CCDC62: variants seen among roughly 807,000 people sequenced by gnomAD.
CCDC62 encodes the protein coiled-coil domain containing 62.
Under a neutral mutation model 80.8 loss-of-function variants are expected in CCDC62, and 72 were observed. The ratio of observed to expected loss-of-function variants is 0.89; its 90% CI spans 0.74 to 1.08. The LOEUF (loss-of-function observed/expected upper bound fraction) is 1.08. CCDC62 is among the 50% of genes least tolerant of loss of function. The pLI, the probability that CCDC62 is intolerant of heterozygous loss-of-function variation, is 0.00. For missense variants in CCDC62, 704 were observed against 809.4 expected, an observed-to-expected ratio of 0.87 and a Z score of 1.58; for synonymous variants, 286 against 296.5, an observed-to-expected ratio of 0.96 and a Z score of 0.36.
At chr12:122,823,055 G>C (rs2032478045) in intron 11 of CCDC62, among the ~76,000 whole-genome samples, 1 of 152,138 alleles carries the variant, frequency 6.6e-6, no homozygotes. Flanking sequence ...CCACCTCCTG[G>C]GTTCAAGCAA....
chr12:122,823,784 C>T (rs937875051), intron 12 of CCDC62, among the ~76,000 whole-genome samples: 6 of 150,396 alleles, frequency 4.0e-5, no homozygotes, highest in African/African-American at 7.3e-5. Context: ...GGCTGGATCA[C>T]GAGGTCAGGA....
chr12:122,800,429 T>C (rs1213452187), intron 8 of CCDC62, among the ~76,000 whole-genome samples: 2 of 146,550 alleles, frequency 1.4e-5, no homozygotes, highest in Non-Finnish European at 3.0e-5. Context: ...AAAAAAAAAT[T>C]TTTTTTTTTT....
rs184852970 is a variant in CCDC62, at chr12:122,778,204, G to A, written c.229+521G>A. On this transcript the variant is annotated intron_variant, in intron 2 of 12. Transcript: ENST00000253079. ...CCCATTTCTACTAAAAATACAAAAA[G>A]TTAACTGGGCATGGTGATGCACACC... 4.0e-3 allele frequency among the ~76,000 whole-genome samples: 606 copies of A among 151,874 alleles called. 2 individuals carry two copies. The highest frequency in any genetic ancestry group is 0.01 in the Middle Eastern group (3 of 292).
In CCDC62 at chr12:122,813,348, A is replaced by T; in HGVS notation, c.1930A>T (p.Met644Leu). 1.9e-6 allele frequency: 3 copies of T among 1,613,998 alleles called. No individual in the cohort carries two copies. The highest frequency in any genetic ancestry group is 2.5e-6 in the Non-Finnish European group (3 of 1,179,962). The stretch of plus-strand genomic sequence containing the variant: ...GCGTTTGCTGGCGGAATCTCGTCAG[A>T]TGGTGACGGACCTGGAGCTGAGCAC... ...LQRLLAESRQ[M>L]VTDLELSTLL... The change falls in exon 11 of 13, where the codon ATG becomes TTG. Residue 644 changes from methionine (M) to leucine (L), a missense_variant. Met to Leu is a conservative substitution (Grantham distance 15). Transcript: ENST00000253079.
At chr12:122,787,416 A>G (rs1227365417) in intron 4 of CCDC62, among the ~76,000 whole-genome samples, 1 of 148,568 alleles carries the variant, frequency 6.7e-6, no homozygotes, top group Non-Finnish European at 1.5e-5. Context: ...GCACCACTGC[A>G]CTCCAGCTTG....
Position 122,780,614 on chromosome 12 carries a change from A to AAAAATAAAATAAAATAAAAT in CCDC62, c.230-510_230-491dup, listed in dbSNP as rs57578843. ...GGACAACAGAGCAAGACTCTGTCTC[A>AAAAATAAAATAAAATAAAAT]AAAATAAAATAAAATAAAATAAAAT... is the stretch of plus-strand genomic sequence containing the variant. On this transcript the variant is annotated intron_variant, in intron 2 of 12. Coordinates refer to ENST00000253079, the MANE Select transcript of CCDC62 (RefSeq NM_201435.5). Among the ~76,000 whole-genome samples, 30 of 136,534 alleles carry AAAAATAAAATAAAATAAAAT rather than the reference A, an allele frequency of 2.2e-4. 1 individual carries two copies. Among genetic ancestry groups the AAAAATAAAATAAAATAAAAT allele is most frequent in the East Asian group, 1.0e-3 (5 of 4,820 alleles). The allele number at this position is 136,534 out of a possible 152,430, so 89.6% of individuals were successfully genotyped here.
intron 7 of CCDC62, 31 bp downstream of exon 7, chr12:122,797,426 TAAG>T (rs778437170): frequency 8.4e-7 from 1 of 1,184,666 alleles, no homozygotes; most frequent in Non-Finnish European, 1.3e-6. Context: ...CTCTGTCACA[TAAG>T]AAATGTTTGT....
At position 122,801,313 on chromosome 12, in the gene CCDC62, G is replaced by A; in HGVS notation, c.1167G>A (p.Glu389=). ...KKQQIDTVFG[E]KSVITLSSIF... ...AACAGATCGATACTGTGTTTGGGGAGAAAAGTGTAATTACGCTGTCATCCA... is the reference window on the plus strand; with the variant it reads ...AACAGATCGATACTGTGTTTGGGGAAAAAAGTGTAATTACGCTGTCATCCA... The change falls in exon 9 of 13, where the codon GAG becomes GAA. Residue 389 remains glutamate, a synonymous_variant. Transcript: ENST00000253079. The A allele has an allele frequency of 6.2e-7, 1 of 1,614,064 alleles. No individual in the cohort carries two copies. Among genetic ancestry groups the A allele is most frequent in the Non-Finnish European group, 8.5e-7 (1 of 1,179,958 alleles).
In CCDC62 at chr12:122,797,414, T is replaced by A; in HGVS notation, c.861+19T>A. 7.2e-7 allele frequency: 1 copy of A among 1,392,036 alleles called. No homozygotes were observed. The highest frequency in any genetic ancestry group is 1.0e-6 in the Non-Finnish European group (1 of 981,430). The allele number at this position is 1,392,036 out of a possible 1,614,324, so 86.2% of individuals were successfully genotyped here. A position where few individuals can be genotyped will look rare whatever the true frequency, so the allele number is the denominator to read the frequency against. ...GAGACAGGTATGTCCCCAATCATCC[T>A]TCTCTGTCACATAAGAAATGTTTGT... On this transcript the variant is annotated intron_variant, in intron 7 of 12. Coordinates refer to ENST00000253079, the MANE Select transcript of CCDC62 (RefSeq NM_201435.5).
intron 5 of CCDC62, among the ~76,000 whole-genome samples, chr12:122,790,556 G>A (rs1221846401): frequency 6.6e-6 from 1 of 152,036 alleles, no homozygotes; most frequent in Non-Finnish European, 1.5e-5. Context: ...TACTCGAGAG[G>A]CAAAGTGAAA....
At position 122,815,445 on chromosome 12, in the gene CCDC62, G is replaced by GTT. The variant is rs35270295; in HGVS notation, c.2001+2036_2001+2037dup. 5.7e-3 allele frequency among the ~76,000 whole-genome samples: 841 copies of GTT among 148,642 alleles called. 22 individuals are homozygous for GTT. Among genetic ancestry groups the GTT allele is most frequent in the Admixed American group, 0.045 (677 of 15,000 alleles). Reference sequence around the variant, plus strand: ...ATTTTGATTACTTCCAACTTAACAGGTTTTTTTTTTTCTTTTTTGAGACGG... The same window carrying GTT: ...ATTTTGATTACTTCCAACTTAACAGGTTTTTTTTTTTTTCTTTTTTGAGACGG... On this transcript the variant is annotated intron_variant, in intron 11 of 12. Coordinates refer to ENST00000253079, the MANE Select transcript of CCDC62 (RefSeq NM_201435.5).
At chr12:122,823,738 C>T (rs530114305) in intron 12 of CCDC62, among the ~76,000 whole-genome samples, 1 of 149,082 alleles carries the variant, frequency 6.7e-6, no homozygotes, top group Admixed American at 6.7e-5. Context: ...CGTGGTGGCT[C>T]ACACGTGTAA....
At chr12:122,798,019 C>G (rs1033803311) in intron 7 of CCDC62, 66 bp from the exon 8 acceptor site, 1 of 781,492 alleles carries the variant, frequency 1.3e-6, no homozygotes, top group Non-Finnish European at 2.2e-6. Flanking sequence ...AGGGAAAGTG[C>G]CAAATTGTTG....
chr12:122,809,059 G>T (rs1217773712), intron 10 of CCDC62, among the ~76,000 whole-genome samples: 1 of 152,174 alleles, frequency 6.6e-6, no homozygotes, highest in Admixed American at 6.6e-5. Flanking sequence ...TTATAGCTTC[G>T]ATTTCAACTG....
rs539244018 is a variant in CCDC62 at position 122,791,510 on chromosome 12, G to A, written c.671-510G>A. 1.3e-3 allele frequency among the ~76,000 whole-genome samples: 201 copies of A among 151,890 alleles called. 2 individuals are homozygous for A. The highest frequency in any genetic ancestry group is 1.6e-3 in the Non-Finnish European group (106 of 67,988). The stretch of plus-strand genomic sequence containing the variant: ...TGTTGTCCAGGTTGAGTGCAGTGGC[G>A]TGATCTCAGCTCACTGCAACCTCTG... On this transcript the variant is annotated intron_variant, in intron 5 of 12. Coordinates refer to ENST00000253079, the MANE Select transcript of CCDC62 (RefSeq NM_201435.5).
At chr12:122,785,375 G>C (rs1339840692) in intron 3 of CCDC62, among the ~76,000 whole-genome samples, 1 of 151,982 alleles carries the variant, frequency 6.6e-6, no homozygotes, top group African/African-American at 2.4e-5. Flanking sequence ...TCATTTTCTT[G>C]CCTCTTCCCA....
rs1331293334 is a variant in CCDC62, at chr12:122,826,412, C to T, written c.*41-10C>T. 3.8e-6 allele frequency: 3 copies of T among 779,390 alleles called. No homozygotes were observed. The Admixed American group carries it at 5.1e-5, about 13-fold the overall frequency. 48.3% of individuals were successfully genotyped at this position (779,390 alleles called of 1,614,324 possible). The stretch of plus-strand genomic sequence containing the variant: ...TTTATTAATGTTGTGTTTTCTTCAT[C>T]CAAAAGCAGATTTCTCATCTATGTG... On this transcript the variant is annotated splice_polypyrimidine_tract_variant and intron_variant, in intron 12 of 12. Transcript: ENST00000253079.
intron 8 of CCDC62, 54 bp downstream of exon 8, chr12:122,798,254 G>C (rs1051385293): frequency 1.1e-6 from 1 of 878,732 alleles, no homozygotes; most frequent in Non-Finnish European, 1.9e-6. Context: ...CCATCAGCCA[G>C]TATTTACTGC....
At chr12:122,825,333 A>G (rs7487027) in intron 12 of CCDC62, among the ~76,000 whole-genome samples, 124,301 of 131,050 alleles carry the variant, frequency 0.95, 58,949 homozygotes, top group East Asian at 0.97. Context: ...GCATCACCAC[A>G]CCTGGCTAAT....
Sources: gnomAD v4.1 joint callset for allele counts (sites outside exome capture counted in the v4.1 genomes callset) on GRCh38, gnomAD v4.1.1 for gene constraint, MANE v1.5 for transcripts, NCBI Gene and HGNC (gene_info 2026-07-23, HGNC 2026-07-21) for gene names.